NFATC4: variants seen among roughly 807,000 people sequenced by gnomAD.
NFATC4 encodes nuclear factor of activated T-cells, cytoplasmic 4.
In NFATC4, 25 loss-of-function variants were observed where a neutral mutation model predicts 73.4. The ratio of observed to expected loss-of-function variants is 0.34; its 90% CI spans 0.25 to 0.48. The LOEUF (loss-of-function observed/expected upper bound fraction) is 0.48, where lower values mean the gene tolerates loss of function less well. Among genes scored for constraint, NFATC4 ranks in the 20% least tolerant of loss-of-function variants. The pLI is 0.99. For missense variants in NFATC4, 1,130 were observed against 1,203.7 expected (o/e 0.94, Z 0.91); for synonymous variants, 523 against 510.3 (o/e 1.02, Z -0.34).
rs2042645248 is a variant in NFATC4, at chr14:24,377,105, G to A, written c.2641+227G>A. The A allele has an allele frequency of 3.8e-6, 5 of 1,314,294 alleles. No homozygotes were observed. The highest frequency in any genetic ancestry group is 4.8e-6 in the Non-Finnish European group (5 of 1,037,524). The allele number at this position is 1,314,294 out of a possible 1,614,324, so 81.4% of individuals were successfully genotyped here. The stretch of plus-strand genomic sequence containing the variant: ...CTGTCTCAGCCTTTCTCCTGTCTCT[G>A]CCTCTGTCCTCTGCTCCAAATCATA... On this transcript the variant is annotated intron_variant, in intron 9 of 9. Transcript: ENST00000250373. The surrounding 1 kb of genome is among the most constrained non-coding windows in gnomAD (Gnocchi z 4.2).
intron 1 of NFATC4, chr14:24,368,906 CCGGGGGCGGCGGCCGCCGCT>C (rs1361580587): frequency 4.3e-6 from 1 of 230,872 alleles, no homozygotes. Flanking sequence ...GGGGACCGAG[CCGGGGGCGGCGGCCGCCGCT>C]CGCACGAATC....
Position 24,377,268 on chromosome 14 carries a change from C to T in NFATC4, c.2642-370C>T. 8.0e-7 allele frequency: 1 copy of T among 1,249,986 alleles called. No homozygotes were observed. Among genetic ancestry groups the T allele is most frequent in the Non-Finnish European group, 1.0e-6 (1 of 997,160 alleles). The allele number at this position is 1,249,986 out of a possible 1,614,324, so 77.4% of individuals were successfully genotyped here. A position where few individuals can be genotyped will look rare whatever the true frequency, so the allele number is the denominator to read the frequency against. On this transcript the variant is annotated intron_variant, in intron 9 of 9. Coordinates refer to ENST00000250373, the MANE Select transcript of NFATC4 (RefSeq NM_004554.5). The surrounding 1 kb of genome is among the most constrained non-coding windows in gnomAD (Gnocchi z 4.2). The stretch of plus-strand genomic sequence containing the variant: ...CACACTTGCCATTGCCTCAGCTTTC[C>T]CCTAAACACGGTGTCTGTGGTCAGG...
intron 1 of NFATC4, chr14:24,369,189 A>G: frequency 6.6e-7 from 1 of 1,516,160 alleles, no homozygotes; most frequent in South Asian, 1.2e-5. Flanking sequence ...CAGTGCCTCA[A>G]GAAACACGCC....
At position 24,376,823 on chromosome 14, in the gene NFATC4, C is replaced by A; in HGVS notation, c.2586C>A (p.Gly862=). The A allele has an allele frequency of 6.2e-7, 1 of 1,603,404 alleles. No homozygotes were observed. Among genetic ancestry groups the A allele is most frequent in the Admixed American group, 1.7e-5 (1 of 57,468 alleles). Residue 862 remains glycine (G), a synonymous_variant, in exon 9 of 10, where the codon GGC becomes GGA. Transcript: ENST00000250373. This position sits in a 1 kb window ranked among gnomAD's most constrained non-coding sequence, Gnocchi z 5.0. ...CGGAGCAGGAGAAATCCAGGGGTGGCTACAGCAGCGGCTTCCGAGACAGTG... is the reference window on the plus strand; with the variant it reads ...CGGAGCAGGAGAAATCCAGGGGTGGATACAGCAGCGGCTTCCGAGACAGTG... ...GAPEQEKSRG[G]YSSGFRDSVP... is the part of the protein sequence containing the mutation.
At position 24,377,727 on chromosome 14, in the gene NFATC4, T is replaced by C; in HGVS notation, c.*22T>C. The C allele has an allele frequency of 6.2e-7, 1 of 1,614,146 alleles. No homozygotes were observed. The highest frequency in any genetic ancestry group is 8.5e-7 in the Non-Finnish European group (1 of 1,179,972). ...CTGAACCACGTGAACTGTCATCACC[T>C]GGCAACCCCAGCCCCAGCCTCAGCC... On this transcript the variant is annotated 3_prime_UTR_variant, in exon 10 of 10. Transcript: ENST00000250373. This position sits in a 1 kb window ranked among gnomAD's most constrained non-coding sequence, Gnocchi z 4.2.
At chr14:24,367,646 A>C, upstream of NFATC4, 1 of 1,536,060 alleles carries the variant, frequency 6.5e-7, no homozygotes, top group South Asian at 1.2e-5. Flanking sequence ...CGGGCAGAGT[A>C]GCCCCAGGCA....
chr14:24,376,862 T>TATCACGCTGGAGG lies in NFATC4; in HGVS notation c.2627_2639dup (p.Glu880AspfsTer8), dbSNP rs1566472644. The TATCACGCTGGAGG allele has an allele frequency of 6.4e-7, 1 of 1,572,740 alleles. No individual in the cohort carries two copies. Among genetic ancestry groups the TATCACGCTGGAGG allele is most frequent in the African/African-American group, 1.4e-5 (1 of 73,366 alleles). On this transcript the variant is annotated frameshift_variant, in exon 9 of 10. Coordinates refer to ENST00000250373, the MANE Select transcript of NFATC4 (RefSeq NM_004554.5). LOFTEE classifies it high-confidence loss of function. This position sits in a 1 kb window ranked among gnomAD's most constrained non-coding sequence, Gnocchi z 5.0. ...TCCGAGACAGTGTCCCTATCCAGGG[T>TATCACGCTGGAGG]ATCACGCTGGAGGAAGGTGGGTGTG...
rs1465470534 is a variant in NFATC4, at chr14:24,379,364, A to G, written c.*1659A>G. On this transcript the variant is annotated 3_prime_UTR_variant, in exon 10 of 10. Transcript: ENST00000250373. ...ACCCTAGGGCATTCGTGTCCTATTT[A>G]TCAATCTTCAGCACCACCTCTAAGA... 2.6e-5 allele frequency: 4 copies of G among 152,246 alleles called. No homozygotes were observed. The highest frequency in any genetic ancestry group is 3.9e-4 in the East Asian group (2 of 5,184). The allele number at this position is 152,246 out of a possible 1,614,324, so 9.4% of individuals were successfully genotyped here.
At chr14:24,369,063 G>GC in intron 1 of NFATC4, 1 of 1,383,238 alleles carries the variant, frequency 7.2e-7, no homozygotes, top group East Asian at 2.8e-5. Flanking sequence ...CAGCCCTGAC[G>GC]CCCCCCTCCC....
Position 24,377,181 on chromosome 14 carries a change from A to C in NFATC4, c.2641+303A>C. 7.8e-7 allele frequency: 1 copy of C among 1,276,950 alleles called. No individual in the cohort carries two copies. The highest frequency in any genetic ancestry group is 3.0e-5 in the East Asian group (1 of 33,824). The allele number at this position is 1,276,950 out of a possible 1,614,324, so 79.1% of individuals were successfully genotyped here. A position where few individuals can be genotyped will look rare whatever the true frequency, so the allele number is the denominator to read the frequency against. On this transcript the variant is annotated intron_variant, in intron 9 of 9. Coordinates refer to ENST00000250373, the MANE Select transcript of NFATC4 (RefSeq NM_004554.5). The surrounding 1 kb of genome is among the most constrained non-coding windows in gnomAD (Gnocchi z 4.2). ...AAGATCATTCCATCCAGCGCATTCA[A>C]TTTGCAAGTTTAGGCGTTGAGTTCC...
intron 1 of NFATC4, 86 bp from the exon 2 acceptor site, chr14:24,369,413 T>C (rs1594700933): frequency 6.2e-7 from 1 of 1,606,236 alleles, no homozygotes; most frequent in African/African-American, 1.3e-5. Context: ...TAGAAGGACT[T>C]GCGGCCTGGC....
rs912203692 is a variant in NFATC4, at chr14:24,370,714, C to T, written c.1196+120C>T. 19 of 1,357,254 alleles carry T rather than the reference C, an allele frequency of 1.4e-5. No homozygotes were observed. The African/African-American group carries it at 2.6e-4, about 19-fold the overall frequency. 84.1% of individuals were successfully genotyped at this position (1,357,254 alleles called of 1,614,324 possible). A position where few individuals can be genotyped will look rare whatever the true frequency, so the allele number is the denominator to read the frequency against. On this transcript the variant is annotated intron_variant, in intron 2 of 9. Transcript: ENST00000250373. ...CCTCTGAATTTCAAAAGAGTATCTG[C>T]AACCAGCTCAGCAGCTGCCAACTAC...
intron 2 of NFATC4, among the ~76,000 whole-genome samples, chr14:24,371,117 A>G (rs2042462831): frequency 6.6e-6 from 1 of 152,252 alleles, no homozygotes. Context: ...ATATATTTGC[A>G]AGTCAAATAA....
chr14:24,373,644 C>G lies in NFATC4; in HGVS notation c.1560-51C>G. On this transcript the variant is annotated intron_variant, in intron 4 of 9. Transcript: ENST00000250373. This position sits in a 1 kb window ranked among gnomAD's most constrained non-coding sequence, Gnocchi z 4.7. ...GGAACTTCCCTCTTTAGGGATGTATCACCATTTTGGCTTCAGCTAGGAGGG... is the reference window on the plus strand; with the variant it reads ...GGAACTTCCCTCTTTAGGGATGTATGACCATTTTGGCTTCAGCTAGGAGGG... 1.9e-6 allele frequency: 3 copies of G among 1,568,488 alleles called. No individual in the cohort carries two copies. Among genetic ancestry groups the G allele is most frequent in the Non-Finnish European group, 2.6e-6 (3 of 1,155,836 alleles).
At chr14:24,367,995 T>TG, upstream of NFATC4, 5 of 1,111,868 alleles carry the variant, frequency 4.5e-6, no homozygotes, top group Non-Finnish European at 5.5e-6. Context: ...CAATTCAGTT[T>TG]TTTTTTTTTT....
rs535319634 is a variant in NFATC4, at chr14:24,372,193, C to T, written c.1197-248C>T. 1.3e-4 allele frequency: 58 copies of T among 463,912 alleles called. No individual in the cohort carries two copies. In the East Asian group the frequency reaches 2.2e-3, roughly 17 times the overall value. 28.7% of individuals were successfully genotyped at this position (463,912 alleles called of 1,614,324 possible). A position where few individuals can be genotyped will look rare whatever the true frequency, so the allele number is the denominator to read the frequency against. ...GTTTTAGGCTTGTTGTCATCTTTCA[C>T]ACCTCAAGGGGCTCTGTCCCCTACT... On this transcript the variant is annotated intron_variant, in intron 2 of 9. Coordinates refer to ENST00000250373, the MANE Select transcript of NFATC4 (RefSeq NM_004554.5).
chr14:24,376,779 G>A lies in NFATC4; in HGVS notation c.2542G>A (p.Gly848Ser). The A allele has an allele frequency of 6.2e-7, 1 of 1,613,190 alleles. No homozygotes were observed. The highest frequency in any genetic ancestry group is 8.5e-7 in the Non-Finnish European group (1 of 1,179,676). The change falls in exon 9 of 10, where the codon GGC (glycine) becomes AGC (serine). Residue 848 changes from glycine (G) to serine (S), a missense_variant. Physicochemically the swap from Gly to Ser is moderately conservative, Grantham distance 56. Around this residue, in one of 3 missense-constraint regions of NFATC4, gnomAD observed 390 missense variants for 408.1 expected, o/e 0.96. Transcript: ENST00000250373. The surrounding 1 kb of genome is among the most constrained non-coding windows in gnomAD (Gnocchi z 5.0). ...ATACAATAAGGTAGGGCCAGGCTAT[G>A]GCCCTGGGGAGGGGGCTCCGGAGCA... ...EGYNKVGPGY[G>S]PGEGAPEQEK...
rs1206040088 is a variant in NFATC4, at chr14:24,376,069, G to A, written c.2024G>A (p.Arg675His). 45 of 1,613,944 alleles carry A rather than the reference G, an allele frequency of 2.8e-5. No homozygotes were observed. The highest frequency in any genetic ancestry group is 3.5e-5 in the Non-Finnish European group (41 of 1,179,982). Residue 675 changes from arginine to histidine, a missense_variant, in exon 8 of 10, where the codon CGC becomes CAC. By Grantham distance (29) the Arg-to-His change is conservative (BLOSUM62 0). Around this residue, in one of 3 missense-constraint regions of NFATC4, gnomAD observed 390 missense variants for 408.1 expected, o/e 0.96. Transcript: ENST00000250373. The surrounding 1 kb of genome is among the most constrained non-coding windows in gnomAD (Gnocchi z 5.0). Reference protein sequence around the residue: ...YFYVSNGRRKRSPTQSFRFLP... With the variant: ...YFYVSNGRRKHSPTQSFRFLP... Reference sequence around the variant, plus strand: ...TATGTCTCCAATGGGCGGAGGAAACGCAGTCCTACCCAGAGTTTCAGGTTT... The same window carrying A: ...TATGTCTCCAATGGGCGGAGGAAACACAGTCCTACCCAGAGTTTCAGGTTT...
intron 3 of NFATC4, 162 bp downstream of exon 3, chr14:24,372,765 C>T (rs1004043503): frequency 8.6e-6 from 7 of 815,660 alleles, no homozygotes; most frequent in Admixed American, 7.6e-5. Flanking sequence ...TGCAAGGACC[C>T]GGATATACTT....
Sources: allele counts gnomAD v4.1 joint callset (sites outside exome capture counted in the v4.1 genomes callset), GRCh38; gene constraint gnomAD v4.1.1; regional missense constraint gnomAD v4.1.1; non-coding constraint Gnocchi (gnomAD v3.1); transcripts MANE v1.5; gene names NCBI Gene and HGNC (gene_info 2026-07-23, HGNC 2026-07-21).